The following FHOD3 variants were observed in gnomAD, a reference collection of about 807,000 sequenced individuals.
FHOD3 encodes FH1/FH2 domain-containing protein 3.
In FHOD3, 90 loss-of-function variants were observed where a neutral mutation model predicts 173.0. The observed-to-expected ratio is 0.52, with a 90% CI of 0.44 to 0.62. The LOEUF (loss-of-function observed/expected upper bound fraction) is 0.62, where lower values mean the gene tolerates loss of function less well. FHOD3 is among the 20% of genes least tolerant of loss of function. The pLI is 0.00. For synonymous variants in FHOD3, 828 were observed against 823.0 expected, an observed-to-expected ratio of 1.01 and a Z score of -0.10; for missense variants, 1,945 against 2,034.7, an observed-to-expected ratio of 0.96 and a Z score of 0.85.
At chr18:36,475,027 ACACACACT>A (rs376110597) in intron 3 of FHOD3, among the ~76,000 whole-genome samples, 18,569 of 83,496 alleles carry the variant, frequency 0.22, 1,263 homozygotes, top group South Asian at 0.26. Context: ...ACACACACAC[ACACACACT>A]CTGCAAAATT....
At chr18:36,728,989 G>A (rs2041213582) in intron 19 of FHOD3, among the ~76,000 whole-genome samples, 1 of 152,160 alleles carries the variant, frequency 6.6e-6, no homozygotes, top group Non-Finnish European at 1.5e-5. Flanking sequence ...CCTAGACAAA[G>A]CCACTTCTTA....
At position 36,687,180 on chromosome 18, in the gene FHOD3, T is replaced by C; in HGVS notation, c.2021+2T>C. The stretch of plus-strand genomic sequence containing the variant: ...GCAAAGGCAAGCAAGAGAAGAAAGG[T>C]TTGTATATTTCTTCTTTCCCATTGT... On this transcript the variant is annotated splice_donor_variant, in intron 16 of 28. Coordinates refer to ENST00000590592, the MANE Select transcript of FHOD3 (RefSeq NM_001281740.3). LOFTEE classifies it high-confidence loss of function. The C allele has an allele frequency of 6.2e-7, 1 of 1,606,856 alleles. No homozygotes were observed. Among genetic ancestry groups the C allele is most frequent in the Non-Finnish European group, 8.5e-7 (1 of 1,174,474 alleles).
rs2091829621 is a variant in FHOD3, at chr18:36,297,727, G to C, written c.-109G>C. On this transcript the variant is annotated 5_prime_UTR_variant, in exon 1 of 29. Coordinates refer to ENST00000590592, the MANE Select transcript of FHOD3 (RefSeq NM_001281740.3). ...CCGGCGCGCCTGAGCCTGCGAGTCC[G>C]CGAGCCAGCGAGCTGCGGCTGCGGC... is the stretch of plus-strand genomic sequence containing the variant. The C allele has an allele frequency of 4.8e-6, 4 of 838,518 alleles. No individual in the cohort carries two copies. The highest frequency in any genetic ancestry group is 6.1e-6 in the Non-Finnish European group (4 of 656,090). The allele number at this position is 838,518 out of a possible 1,614,324, so 51.9% of individuals were successfully genotyped here.
chr18:36,631,369 C>T (rs762392367), intron 10 of FHOD3, among the ~76,000 whole-genome samples: 3 of 152,118 alleles, frequency 2.0e-5, no homozygotes, highest in Non-Finnish European at 4.4e-5. Context: ...TTATATATGG[C>T]CATTGGCTCA....
intron 1 of FHOD3, among the ~76,000 whole-genome samples, chr18:36,310,057 T>G (rs917825636): frequency 1.3e-5 from 2 of 152,200 alleles, no homozygotes; most frequent in Admixed American, 6.5e-5. Flanking sequence ...TGGCTCCCTG[T>G]CTCCATCTGT....
chr18:36,487,072 T>A (rs2054231607), intron 3 of FHOD3, among the ~76,000 whole-genome samples: 1 of 152,166 alleles, frequency 6.6e-6, no homozygotes, highest in Non-Finnish European at 1.5e-5. Context: ...TCCAGTAGGG[T>A]GTTTTTAAAA....
At chr18:36,694,447 A>T (rs1242309503) in intron 17 of FHOD3, among the ~76,000 whole-genome samples, 1 of 152,156 alleles carries the variant, frequency 6.6e-6, no homozygotes, top group Non-Finnish European at 1.5e-5. Flanking sequence ...GTTACTCCCG[A>T]TCCCTGAGCC....
chr18:36,379,319 A>C (rs73417094), intron 3 of FHOD3, among the ~76,000 whole-genome samples: 4 of 152,194 alleles, frequency 2.6e-5, no homozygotes, highest in Non-Finnish European at 5.9e-5. Flanking sequence ...AAGAAAGCAG[A>C]TATCTCAGGG....
At chr18:36,380,404 C>T (rs1225273111) in intron 3 of FHOD3, among the ~76,000 whole-genome samples, 1 of 151,988 alleles carries the variant, frequency 6.6e-6, no homozygotes, top group Non-Finnish European at 1.5e-5. Flanking sequence ...GATAGAGCCA[C>T]GTTACTGGTC....
At chr18:36,613,162 CACTT>C (rs1267213765) in intron 9 of FHOD3, among the ~76,000 whole-genome samples, 7 of 152,246 alleles carry the variant, frequency 4.6e-5, no homozygotes, top group African/African-American at 1.7e-4. Flanking sequence ...ACCTTGTACT[CACTT>C]CCAGTCCCGC....
intron 2 of FHOD3, among the ~76,000 whole-genome samples, chr18:36,357,773 A>G (rs2046429894): frequency 6.6e-6 from 1 of 152,204 alleles, no homozygotes; most frequent in Non-Finnish European, 1.5e-5. Context: ...TCATTGATCA[A>G]ACAGACCCCG....
At position 36,464,138 on chromosome 18, in the gene FHOD3, C is replaced by T. The variant is rs960346095; in HGVS notation, c.338-37794C>T. 3.9e-5 allele frequency among the ~76,000 whole-genome samples: 6 copies of T among 152,206 alleles called. No individual in the cohort carries two copies. The East Asian group carries it at 1.2e-3, about 29-fold the overall frequency. The stretch of plus-strand genomic sequence containing the variant: ...CATTCAACTTGGACCGTATCTGTGG[C>T]CAGGTTGATAATTCTTTTGGGAAAC... On this transcript the variant is annotated intron_variant, in intron 3 of 28. Coordinates refer to ENST00000590592, the MANE Select transcript of FHOD3 (RefSeq NM_001281740.3).
At chr18:36,477,486 C>CCCATCCATCCATCCAT (rs1197297465) in intron 3 of FHOD3, among the ~76,000 whole-genome samples, 2 of 125,556 alleles carry the variant, frequency 1.6e-5, no homozygotes, top group African/African-American at 3.4e-5. Flanking sequence ...CACTCACCCA[C>CCCATCCATCCATCCAT]CCATCCATCC....
At chr18:36,516,938 C>T (rs895790548) in intron 5 of FHOD3, among the ~76,000 whole-genome samples, 1 of 151,864 alleles carries the variant, frequency 6.6e-6, no homozygotes, top group Non-Finnish European at 1.5e-5. Context: ...CCCAGATCTG[C>T]TTTTAGAACT....
In FHOD3 at chr18:36,385,222, CT is replaced by C. The variant is rs1444764745; in HGVS notation, c.337+12484del. Among the ~76,000 whole-genome samples, 12 of 152,226 alleles carry C rather than the reference CT, an allele frequency of 7.9e-5. No individual in the cohort carries two copies. The South Asian group carries it at 1.2e-3, about 16-fold the overall frequency. ...TTTAAAATGTGTTTTAGCTACTATC[CT>C]TTTTTAAGCAGCCGACAGATTTGAA... On this transcript the variant is annotated intron_variant, in intron 3 of 28. Transcript: ENST00000590592.
chr18:36,478,052 A>C (rs9950563), intron 3 of FHOD3, among the ~76,000 whole-genome samples: 115,284 of 152,146 alleles, frequency 0.76, 44,191 homozygotes, highest in East Asian at 0.95. Context: ...AAACATGACA[A>C]CTTAGATAGC....
At position 36,740,789 on chromosome 18, in the gene FHOD3, C is replaced by T. The variant is rs758320383; in HGVS notation, c.3710C>T (p.Ala1237Val). 1.2e-6 allele frequency: 2 copies of T among 1,614,116 alleles called. No homozygotes were observed. Among genetic ancestry groups the T allele is most frequent in the Admixed American group, 3.3e-5 (2 of 59,998 alleles). Residue 1237 changes from alanine (A) to valine (V), a missense_variant, in exon 21 of 29, where the codon GCA (alanine) becomes GTA (valine). Transcript: ENST00000590592. ...LTLSSISELS[A>V]RLHLWAFKMD... ...CTGTCCTCCATCAGCGAGCTCTCTG[C>T]ACGACTTCACCTCTGGGCATTCAAA...
intron 9 of FHOD3, among the ~76,000 whole-genome samples, chr18:36,613,456 C>G (rs539038656): frequency 7.9e-5 from 12 of 152,316 alleles, no homozygotes; most frequent in Non-Finnish European, 1.5e-4. Context: ...TGATCCTCAT[C>G]ATCCCAGTGT....
At chr18:36,742,103 A>G (rs1428550624) in intron 21 of FHOD3, among the ~76,000 whole-genome samples, 1 of 152,168 alleles carries the variant, frequency 6.6e-6, no homozygotes, top group East Asian at 1.9e-4. Flanking sequence ...GCTTTGGGAT[A>G]TAGGCTGGGG....
Sources: gnomAD v4.1 joint callset for allele counts (sites outside exome capture counted in the v4.1 genomes callset) on GRCh38, gnomAD v4.1.1 for gene constraint, MANE v1.5 for transcripts, NCBI Gene and HGNC (gene_info 2026-07-23, HGNC 2026-07-21) for gene names.